FAM13A: variants seen among roughly 807,000 people sequenced by gnomAD.
The protein encoded by FAM13A is protein FAM13A.
In FAM13A, 76 loss-of-function variants were observed where a neutral mutation model predicts 129.6. The ratio of observed to expected loss-of-function variants is 0.59; its 90% CI spans 0.49 to 0.71. The LOEUF is 0.71. Among genes scored for constraint, FAM13A ranks in the 30% least tolerant of loss-of-function variants. FAM13A has a pLI of 0.00. For synonymous variants in FAM13A, 443 were observed against 449.9 expected, an observed-to-expected ratio of 0.98 and a Z score of 0.20; for missense variants, 1,108 against 1,249.3, an observed-to-expected ratio of 0.89 and a Z score of 1.70.
chr4:89,000,953 CAT>C (rs1227019124), intron 3 of FAM13A, among the ~76,000 whole-genome samples: 16 of 152,258 alleles, frequency 1.1e-4, no homozygotes, highest in Non-Finnish European at 1.8e-4. Context: ...TGCACGCACA[CAT>C]GTGCACACAA....
chr4:88,949,637 T>A (rs948335054), intron 4 of FAM13A, among the ~76,000 whole-genome samples: 5 of 152,252 alleles, frequency 3.3e-5, no homozygotes, highest in Non-Finnish European at 5.9e-5. Context: ...TTTCAAAAGA[T>A]AACATTCAAT....
At chr4:89,025,325 C>T (rs968713691) in intron 2 of FAM13A, among the ~76,000 whole-genome samples, 15 of 131,416 alleles carry the variant, frequency 1.1e-4, no homozygotes, top group Non-Finnish European at 2.2e-4. Context: ...ACTGCAGTGG[C>T]GCAATCTCGG....
intron 6 of FAM13A, among the ~76,000 whole-genome samples, chr4:88,854,858 T>C (rs542404083): frequency 6.6e-6 from 1 of 152,344 alleles, no homozygotes; most frequent in Non-Finnish European, 1.5e-5. Flanking sequence ...ACAGTAAAAT[T>C]AGAAAACATT....
chr4:88,745,727 T>A lies in FAM13A; in HGVS notation c.2466+1205A>T, dbSNP rs185631573. Among the ~76,000 whole-genome samples the A allele has an allele frequency of 2.6e-5, 4 of 152,292 alleles. No homozygotes were observed. The East Asian group carries it at 7.7e-4, about 29-fold the overall frequency. ...TGTATTTGAGCTCTAGAGCATTTAC[T>A]ATTTGGTTCAATGCCTTCAAAAAAA... On this transcript the variant is annotated intron_variant, in intron 19 of 23. Coordinates refer to ENST00000264344, the MANE Select transcript of FAM13A (RefSeq NM_014883.4).
At chr4:88,796,096 A>G (rs1011626016) in intron 8 of FAM13A, among the ~76,000 whole-genome samples, 3 of 151,726 alleles carry the variant, frequency 2.0e-5, no homozygotes, top group Admixed American at 6.6e-5. Flanking sequence ...CTTCCTTTCT[A>G]TAACTTCTTA....
intron 8 of FAM13A, among the ~76,000 whole-genome samples, chr4:88,802,522 T>C (rs1727695819): frequency 6.6e-6 from 1 of 152,198 alleles, no homozygotes; most frequent in South Asian, 2.1e-4. Context: ...AGCCCTACCA[T>C]ATTACAGAAA....
At chr4:88,887,448 A>C (rs1002472749) in intron 6 of FAM13A, among the ~76,000 whole-genome samples, 2 of 152,168 alleles carry the variant, frequency 1.3e-5, no homozygotes, top group Admixed American at 1.3e-4. Flanking sequence ...GAAGCCAAAG[A>C]GCTTTCATTC....
chr4:88,936,728 T>C (rs1753910825), intron 5 of FAM13A: 1 of 152,218 alleles, frequency 6.6e-6, no homozygotes, highest in Non-Finnish European at 1.5e-5. Flanking sequence ...TACTTCAGGT[T>C]CACCTTATTA....
rs1207804656 is a variant in FAM13A at position 88,726,112 on chromosome 4, C to T, written c.*2421G>A. 6.6e-6 allele frequency: 1 copy of T among 152,146 alleles called. No homozygotes were observed. The highest frequency in any genetic ancestry group is 2.4e-5 in the African/African-American group (1 of 41,430). 9.4% of individuals were successfully genotyped at this position (152,146 alleles called of 1,614,324 possible). On this transcript the variant is annotated 3_prime_UTR_variant, in exon 24 of 24. Transcript: ENST00000264344. ...CCAGAGCATTTTGTCTTTGTGAAGC[C>T]AATTAATTAAGACACCGCCTCTAGT...
intron 7 of FAM13A, among the ~76,000 whole-genome samples, chr4:88,818,812 ATAAAT>A (rs1296964955): frequency 6.6e-6 from 1 of 152,210 alleles, no homozygotes; most frequent in Non-Finnish European, 1.5e-5. Context: ...AGACTTCTAG[ATAAAT>A]TAACTGAAAG....
chr4:89,002,487 G>A (rs190093925), intron 3 of FAM13A, among the ~76,000 whole-genome samples: 9 of 152,248 alleles, frequency 5.9e-5, no homozygotes, highest in South Asian at 4.1e-4. Context: ...CTTACTGATG[G>A]GAAGTAAGCA....
intron 6 of FAM13A, among the ~76,000 whole-genome samples, chr4:88,893,321 C>A (rs909020265): frequency 4.6e-5 from 7 of 152,052 alleles, no homozygotes; most frequent in African/African-American, 1.4e-4. Flanking sequence ...TGTGCAGCTG[C>A]CGTACAATAA....
At chr4:88,916,226 T>C (rs1413659221) in intron 5 of FAM13A, among the ~76,000 whole-genome samples, 2 of 152,098 alleles carry the variant, frequency 1.3e-5, no homozygotes, top group Non-Finnish European at 2.9e-5. Flanking sequence ...CCATTTCAGG[T>C]ATTCTGTTAC....
chr4:88,994,583 T>C, intron 3 of FAM13A, among the ~76,000 whole-genome samples: 1 of 152,056 alleles, frequency 6.6e-6, no homozygotes, highest in South Asian at 2.1e-4. Flanking sequence ...CTCATGCCTG[T>C]AATTCCAGCA....
Position 88,739,037 on chromosome 4 carries a change from G to T in FAM13A, c.2555C>A (p.Pro852His). Residue 852 changes from proline (P) to histidine (H), a missense_variant, in exon 20 of 24, where the codon CCC becomes CAC. Around this residue, in one of 3 missense-constraint regions of FAM13A, gnomAD observed 529 missense variants for 621.2 expected, o/e 0.85. Coordinates refer to ENST00000264344, the MANE Select transcript of FAM13A (RefSeq NM_014883.4). ...GGAAGGTATTCTACTCACAATGATG[G>T]GTATGGTGTTAGCTCGGGAGAGGAT... ...KQILSRANTI[P>H]IIGSPSSKRR... The T allele has an allele frequency of 8.1e-6, 13 of 1,608,884 alleles. No individual in the cohort carries two copies. The highest frequency in any genetic ancestry group is 1.1e-5 in the Non-Finnish European group (13 of 1,175,298).
intron 4 of FAM13A, among the ~76,000 whole-genome samples, chr4:88,978,184 T>G (rs1197761001): frequency 6.6e-6 from 1 of 152,212 alleles, no homozygotes; most frequent in Non-Finnish European, 1.5e-5. Context: ...ATTACTTTCT[T>G]GCCTAGTTCT....
At chr4:89,010,855 C>T (rs1177895523) in intron 3 of FAM13A, among the ~76,000 whole-genome samples, 2 of 151,282 alleles carry the variant, frequency 1.3e-5, no homozygotes, top group African/African-American at 2.4e-5. Flanking sequence ...ATTATCTTTT[C>T]TTTTTTTTTC....
chr4:88,968,332 CT>C (rs1304347503), intron 4 of FAM13A, among the ~76,000 whole-genome samples: 1 of 152,096 alleles, frequency 6.6e-6, no homozygotes, highest in Non-Finnish European at 1.5e-5. Context: ...CACTTATGTT[CT>C]AAACAATTAG....
chr4:88,744,622 T>C (rs1740919475), intron 19 of FAM13A, among the ~76,000 whole-genome samples: 1 of 152,188 alleles, frequency 6.6e-6, no homozygotes, highest in Admixed American at 6.5e-5. Context: ...GGAACAATAG[T>C]TTAACTCTAG....
Sources: gnomAD v4.1 joint callset for allele counts (sites outside exome capture counted in the v4.1 genomes callset) on GRCh38, gnomAD v4.1.1 for gene constraint, gnomAD v4.1.1 regional missense constraint, MANE v1.5 for transcripts, NCBI Gene and HGNC (gene_info 2026-07-23, HGNC 2026-07-21) for gene names.